Variants in DENND2C observed in about 807,000 individuals in gnomAD.
The protein encoded by DENND2C is DENN domain containing 2C.
In DENND2C, 72 loss-of-function variants were observed where a neutral mutation model predicts 112.4. The observed-to-expected ratio is 0.64, with a 90% confidence interval of 0.53 to 0.78. The LOEUF is 0.78. Ranked by LOEUF, DENND2C falls within the 30% of genes least tolerant of loss-of-function variation. The pLI is 0.00. For synonymous variants in DENND2C, 329 were observed against 381.6 expected (o/e 0.86, Z 1.61); for missense variants, 992 against 1,113.8 (o/e 0.89, Z 1.56).
Position 114,600,293 on chromosome 1 carries a change from G to A in DENND2C, c.2016C>T (p.Leu672=). Residue 672 remains leucine, a synonymous_variant, in exon 15 of 21, where the codon CTC becomes CTT. Transcript: ENST00000393274. ...GATGACACACACTCAGGCACTTAAA[G>A]AGACATTTAAAATCAACATGTTCCA... is the stretch of plus-strand genomic sequence containing the variant. The part of the protein sequence containing the change: ...SRLEHVDFKC[L]FKCLSVCHLI... 2.5e-6 allele frequency: 4 copies of A among 1,614,084 alleles called. No individual in the cohort carries two copies. The highest frequency in any genetic ancestry group is 3.4e-6 in the Non-Finnish European group (4 of 1,179,994).
chr1:114,644,358 T>C (rs1323161607), intron 3 of DENND2C, among the ~76,000 whole-genome samples: 1 of 152,176 alleles, frequency 6.6e-6, no homozygotes, highest in Non-Finnish European at 1.5e-5. Flanking sequence ...GCTTTTTTAC[T>C]ACTGTATCCC....
Position 114,655,869 on chromosome 1 carries a change from TATATATATGTATAA to T in DENND2C, c.-573-1122_-573-1109del, listed in dbSNP as rs1342225084. ...ACATGTACAGCTCAAAGAACTTTTA[TATATATATGTATAA>T]ATATATATATATATATAATATGTAT... On this transcript the variant is annotated intron_variant, in intron 1 of 20. Transcript: ENST00000393274. Among the ~76,000 whole-genome samples the T allele has an allele frequency of 9.8e-3, 530 of 53,936 alleles. 7 individuals are homozygous for T. The highest frequency in any genetic ancestry group is 0.013 in the Non-Finnish European group (297 of 22,924). 35.4% of individuals were successfully genotyped at this position (53,936 alleles called of 152,430 possible).
At chr1:114,615,997 C>G (rs975483340) in intron 8 of DENND2C, among the ~76,000 whole-genome samples, 1 of 152,038 alleles carries the variant, frequency 6.6e-6, no homozygotes, top group East Asian at 1.9e-4. Context: ...ATGGCATGAA[C>G]CCGGGAGGCG....
chr1:114,639,976 T>A (rs188102371), intron 3 of DENND2C, among the ~76,000 whole-genome samples: 29 of 149,962 alleles, frequency 1.9e-4, no homozygotes, highest in Admixed American at 5.3e-4. Flanking sequence ...TGGGACTGCA[T>A]AATATGTGGG....
In DENND2C at chr1:114,640,651, A is replaced by C. The variant is rs1045740430; in HGVS notation, c.-205+4797T>G. On this transcript the variant is annotated intron_variant, in intron 3 of 20. Transcript: ENST00000393274. Reference sequence around the variant, plus strand: ...AGCAGGAGTTCAGAGAAAAGATGCAAGGACACGAATCTTTAAAGAAAATAG... The same window carrying C: ...AGCAGGAGTTCAGAGAAAAGATGCACGGACACGAATCTTTAAAGAAAATAG... 2.0e-5 allele frequency among the ~76,000 whole-genome samples: 3 copies of C among 152,248 alleles called. No individual in the cohort carries two copies. In the South Asian group the frequency reaches 6.2e-4, roughly 31 times the overall value.
Position 114,584,528 on chromosome 1 carries a change from G to A in DENND2C, c.*1072C>T, listed in dbSNP as rs989381324. 3.3e-5 allele frequency: 5 copies of A among 152,034 alleles called. No individual in the cohort carries two copies. The highest frequency in any genetic ancestry group is 7.3e-5 in the Non-Finnish European group (5 of 68,044). 9.4% of individuals were successfully genotyped at this position (152,034 alleles called of 1,614,324 possible). A position where few individuals can be genotyped will look rare whatever the true frequency, so the allele number is the denominator to read the frequency against. ...TGACCTCAAATGATCCACTCGCCTT[G>A]GACTCCCATAGTGCTGGGATTACAG... is the stretch of plus-strand genomic sequence containing the variant. On this transcript the variant is annotated 3_prime_UTR_variant, in exon 21 of 21. Transcript: ENST00000393274.
intron 3 of DENND2C, among the ~76,000 whole-genome samples, chr1:114,631,565 T>A (rs1180875561): frequency 1.3e-5 from 2 of 151,834 alleles, no homozygotes; most frequent in Admixed American, 6.6e-5. Context: ...AGGCGGATCA[T>A]GAGGTCAGGA....
At chr1:114,617,852 TATG>T (rs780212525) in intron 8 of DENND2C, among the ~76,000 whole-genome samples, 6 of 152,226 alleles carry the variant, frequency 3.9e-5, no homozygotes, top group Non-Finnish European at 8.8e-5. Flanking sequence ...CTCAATGGTT[TATG>T]ATTATTTTTT....
chr1:114,662,503 T>C (rs1290018176), intron 1 of DENND2C, among the ~76,000 whole-genome samples: 3 of 152,222 alleles, frequency 2.0e-5, no homozygotes, highest in African/African-American at 4.8e-5. Flanking sequence ...ATCACTGCTA[T>C]GAAAACTACG....
chr1:114,592,827 AC>A (rs1362545370), intron 18 of DENND2C, among the ~76,000 whole-genome samples: 19 of 152,172 alleles, frequency 1.2e-4, no homozygotes, highest in Non-Finnish European at 2.2e-4. Context: ...CCCTCATTCC[AC>A]TGAATCTGCT....
chr1:114,665,705 T>C (rs536307402), intron 1 of DENND2C, among the ~76,000 whole-genome samples: 37 of 152,364 alleles, frequency 2.4e-4, no homozygotes, highest in Non-Finnish European at 4.6e-4. Context: ...CTCATTTGGA[T>C]GTAAAAGTTG....
At chr1:114,631,886 A>C (rs1656501173) in intron 3 of DENND2C, among the ~76,000 whole-genome samples, 1 of 152,224 alleles carries the variant, frequency 6.6e-6, no homozygotes. Context: ...CAATTCAGCT[A>C]TTATAAATAT....
At chr1:114,637,082 TAAAAC>T (rs199674564) in intron 3 of DENND2C, among the ~76,000 whole-genome samples, 4,742 of 123,372 alleles carry the variant, frequency 0.038, 129 homozygotes, top group Non-Finnish European at 0.048. Context: ...CTGTCTTTAC[TAAAAC>T]AAAACAAAAC....
At chr1:114,593,876 A>C (rs1480037270) in intron 18 of DENND2C, among the ~76,000 whole-genome samples, 1 of 152,228 alleles carries the variant, frequency 6.6e-6, no homozygotes, top group Non-Finnish European at 1.5e-5. Flanking sequence ...TGAAGATTAA[A>C]TAATGATACC....
intron 11 of DENND2C, 100 bp from the exon 12 acceptor site, chr1:114,602,294 T>C: frequency 1.6e-6 from 2 of 1,220,260 alleles, no homozygotes; most frequent in South Asian, 1.5e-5. Flanking sequence ...AGTAGTCATT[T>C]TGTGATCTAG....
In DENND2C at chr1:114,658,502, G is replaced by A. The variant is rs577008425; in HGVS notation, c.-573-3741C>T. 2.7e-4 allele frequency among the ~76,000 whole-genome samples: 41 copies of A among 152,058 alleles called. 1 individual carries two copies. The highest frequency in any genetic ancestry group is 2.4e-3 in the Admixed American group (37 of 15,266). On this transcript the variant is annotated intron_variant, in intron 1 of 20. Transcript: ENST00000393274. Reference sequence around the variant, plus strand: ...TAAAGGATGGTGAAGGCAGATAACAGCAAAAATTAAAAAGAAAATTAGTGA... The same window carrying A: ...TAAAGGATGGTGAAGGCAGATAACAACAAAAATTAAAAAGAAAATTAGTGA...
intron 14 of DENND2C, among the ~76,000 whole-genome samples, chr1:114,600,557 T>G (rs1430639539): frequency 6.6e-6 from 1 of 152,170 alleles, no homozygotes; most frequent in African/African-American, 2.4e-5. Context: ...CTGACAATAG[T>G]ATATACAGTC....
rs984552109 is a variant in DENND2C at position 114,626,111 on chromosome 1, T to A, written c.-127A>T. On this transcript the variant is annotated 5_prime_UTR_variant, in exon 4 of 21. The change creates a new upstream start codon in the 5' untranslated region. Coordinates refer to ENST00000393274, the MANE Select transcript of DENND2C (RefSeq NM_001256404.2). Reference sequence around the variant, plus strand: ...CCAGTATTTTCCCTTCATGTTTAACTTGTAAATCTCTTTGTAAAAAGAAAA... The same window carrying A: ...CCAGTATTTTCCCTTCATGTTTAACATGTAAATCTCTTTGTAAAAAGAAAA... 9.7e-7 allele frequency: 1 copy of A among 1,034,318 alleles called. No individual in the cohort carries two copies. Among genetic ancestry groups the A allele is most frequent in the Non-Finnish European group, 1.3e-6 (1 of 743,112 alleles). The allele number at this position is 1,034,318 out of a possible 1,614,324, so 64.1% of individuals were successfully genotyped here. A position where few individuals can be genotyped will look rare whatever the true frequency, so the allele number is the denominator to read the frequency against.
At chr1:114,642,010 T>C (rs1330737965) in intron 3 of DENND2C, among the ~76,000 whole-genome samples, 1 of 152,156 alleles carries the variant, frequency 6.6e-6, no homozygotes, top group African/African-American at 2.4e-5. Flanking sequence ...TGGAGTGAAG[T>C]GGCACAATCT....
Sources: allele counts gnomAD v4.1 joint callset (sites outside exome capture counted in the v4.1 genomes callset), GRCh38; gene constraint gnomAD v4.1.1; transcripts MANE v1.5; gene names NCBI Gene and HGNC (gene_info 2026-07-23, HGNC 2026-07-21).